Variants in PCDH11Y observed in about 807,000 individuals in gnomAD.
PCDH11Y encodes protocadherin-11 Y-linked.
For missense variants in PCDH11Y, 12 were observed against 224.8 expected (o/e 0.05, Z 6.05); for synonymous variants, 9 against 83.6 (o/e 0.11, Z 4.87).
At chrY:5,065,617 G>A (rs2052685199) in intron 1 of PCDH11Y, among the ~76,000 whole-genome samples, 1 of 32,587 alleles carries the variant, frequency 3.1e-5, no homozygotes, top group Non-Finnish European at 7.5e-5. Flanking sequence ...TTTTATGTAT[G>A]TATACAGAGA....
At chrY:5,251,865 A>G (rs2053004594) in intron 2 of PCDH11Y, among the ~76,000 whole-genome samples, 1 of 32,883 alleles carries the variant, frequency 3.0e-5, no homozygotes, top group Non-Finnish European at 7.5e-5. Flanking sequence ...CAAGGGGCTT[A>G]TTGGCCTGTA....
intron 2 of PCDH11Y, among the ~76,000 whole-genome samples, chrY:5,239,182 T>C: frequency 3.0e-5 from 1 of 33,368 alleles, no homozygotes; most frequent in African/African-American, 1.2e-4. Flanking sequence ...AGCCAAATGT[T>C]CAACAATGAT....
chrY:5,404,188 C>A, intron 2 of PCDH11Y, among the ~76,000 whole-genome samples: 2 of 33,029 alleles, frequency 6.1e-5, no homozygotes, highest in Non-Finnish European at 1.5e-4. Flanking sequence ...TTTCCTAAAT[C>A]ATATTTACTA....
intron 3 of PCDH11Y, among the ~76,000 whole-genome samples, chrY:5,557,856 C>T (rs2053424523): frequency 3.2e-5 from 1 of 31,273 alleles, no homozygotes; most frequent in Non-Finnish European, 7.8e-5. Flanking sequence ...CCTTTGATGC[C>T]TAGTCTGTTG....
chrY:5,378,288 T>TAC (rs200306687), intron 2 of PCDH11Y, among the ~76,000 whole-genome samples: 84 of 23,371 alleles, frequency 3.6e-3, no homozygotes, highest in South Asian at 0.01. Flanking sequence ...AATAAATAAA[T>TAC]ACACACACAC....
intron 2 of PCDH11Y, among the ~76,000 whole-genome samples, chrY:5,334,521 C>T (rs2053134284): frequency 3.0e-5 from 1 of 33,713 alleles, no homozygotes; most frequent in Non-Finnish European, 7.3e-5. Context: ...AGCTATTGAC[C>T]GATGGAGCTG....
chrY:5,389,551 G>T (rs2053219594), intron 2 of PCDH11Y, among the ~76,000 whole-genome samples: 1 of 29,781 alleles, frequency 3.4e-5, no homozygotes, highest in African/African-American at 1.3e-4. Flanking sequence ...ATATGGTTTG[G>T]CTGTGTCCAT....
intron 2 of PCDH11Y, among the ~76,000 whole-genome samples, chrY:5,466,760 C>A: frequency 3.1e-5 from 1 of 32,774 alleles, no homozygotes; most frequent in Admixed American, 2.8e-4. Flanking sequence ...TGGCTCATAG[C>A]ATAGCACAGA....
intron 4 of PCDH11Y, among the ~76,000 whole-genome samples, chrY:5,715,199 G>T: frequency 8.9e-5 from 3 of 33,823 alleles, no homozygotes. Context: ...CCTATGGTTT[G>T]TTGTTCACTT....
intron 2 of PCDH11Y, among the ~76,000 whole-genome samples, chrY:5,195,774 CA>C (rs2052918201): frequency 2.9e-4 from 9 of 30,946 alleles, no homozygotes; most frequent in African/African-American, 1.0e-3. Context: ...TTGATTATTA[CA>C]AAAAAAAAGA....
rs2053502498 is a variant in PCDH11Y at position 5,623,106 on chromosome Y, T to A, written c.3352+41308T>A. 3 of 112,991 alleles carry A rather than the reference T, an allele frequency of 2.7e-5. No individual in the cohort carries two copies. The Admixed American group carries it at 3.4e-4, about 13-fold the overall frequency. The allele number at this position is 112,991 out of a possible 400,897, so 28.2% of individuals were successfully genotyped here. A position where few individuals can be genotyped will look rare whatever the true frequency, so the allele number is the denominator to read the frequency against. ...GACCATGAGGTGGGATGAGGGAGAGTTCTGGGCACCCAGGTTCAGAACAGC... is the reference window on the plus strand; with the variant it reads ...GACCATGAGGTGGGATGAGGGAGAGATCTGGGCACCCAGGTTCAGAACAGC... On this transcript the variant is annotated intron_variant, in intron 4 of 4. Transcript: ENST00000400457.
chrY:5,612,622 T>C (rs1602951426), intron 4 of PCDH11Y, among the ~76,000 whole-genome samples: 1 of 32,635 alleles, frequency 3.1e-5, no homozygotes, highest in African/African-American at 1.2e-4. Flanking sequence ...AGTACAATTT[T>C]CTTAAAAGTT....
At chrY:5,616,344 G>A in intron 4 of PCDH11Y, among the ~76,000 whole-genome samples, 1 of 33,414 alleles carries the variant, frequency 3.0e-5, no homozygotes, top group Non-Finnish European at 7.4e-5. Context: ...TAGCCAAGGA[G>A]GAAGTTGTTG....
exon 5 of PCDH11Y, chrY:5,741,426 A>G (rs2053617376): frequency 3.1e-5 from 1 of 32,264 alleles, no homozygotes; most frequent in African/African-American, 1.2e-4. Context: ...TCATGGTATT[A>G]CTGAAGGTGT....
chrY:5,427,510 T>A (rs1486032495), intron 2 of PCDH11Y, among the ~76,000 whole-genome samples: 6 of 33,020 alleles, frequency 1.8e-4, no homozygotes, highest in Non-Finnish European at 3.8e-4. Flanking sequence ...ATTTTTGACT[T>A]TGTCTGCAGA....
intron 2 of PCDH11Y, among the ~76,000 whole-genome samples, chrY:5,343,601 A>T (rs2124669320): frequency 6.4e-5 from 2 of 31,340 alleles, no homozygotes; most frequent in South Asian, 1.5e-3. Context: ...ATTTATTTTT[A>T]ATTTTAATTT....
At chrY:5,535,263 T>TG (rs1490354035) in intron 3 of PCDH11Y, among the ~76,000 whole-genome samples, 14 of 30,306 alleles carry the variant, frequency 4.6e-4, no homozygotes, top group Non-Finnish European at 9.5e-4. Flanking sequence ...CAGAGGTTTT[T>TG]GGGGAACAGG....
Position 5,014,860 on chromosome Y carries a change from A to G in PCDH11Y, c.-134+14255A>G. On this transcript the variant is annotated intron_variant, in intron 1 of 5. Transcript: ENST00000333703. ...TTCCGTAATAGAGTTCTGTAATAGT[A>G]GTTAACCATGTGGGGTGAATAGGTT... Among the ~76,000 whole-genome samples, 4 of 33,314 alleles carry G rather than the reference A, an allele frequency of 1.2e-4. No individual in the cohort carries two copies. In the East Asian group the frequency reaches 3.2e-3, roughly 26 times the overall value. The allele number at this position is 33,314 out of a possible 37,273, so 89.4% of individuals were successfully genotyped here.
At chrY:5,212,502 T>G in intron 2 of PCDH11Y, among the ~76,000 whole-genome samples, 2 of 32,038 alleles carry the variant, frequency 6.2e-5, no homozygotes, top group Non-Finnish European at 1.5e-4. Flanking sequence ...TATTCATCTT[T>G]GTATCTCCCA....
Sources: allele counts gnomAD v4.1 joint callset (sites outside exome capture counted in the v4.1 genomes callset), GRCh38; gene constraint gnomAD v4.1.1; transcripts MANE v1.5; gene names NCBI Gene and HGNC (gene_info 2026-07-23, HGNC 2026-07-21).